SKAP2: variants seen among roughly 807,000 people sequenced by gnomAD.
The protein encoded by SKAP2 is src kinase-associated phosphoprotein 2.
Under a neutral mutation model 54.9 loss-of-function variants are expected in SKAP2, and 28 were observed. The observed-to-expected ratio is 0.51, with a 90% confidence interval of 0.38 to 0.70. The LOEUF (loss-of-function observed/expected upper bound fraction) is 0.70. Ranked by LOEUF, SKAP2 falls within the 30% of genes least tolerant of loss-of-function variation. SKAP2 has a pLI of 0.00. For synonymous variants in SKAP2, 137 were observed against 134.3 expected (o/e 1.02, Z -0.14); for missense variants, 356 against 424.1 (o/e 0.84, Z 1.41).
intron 9 of SKAP2, among the ~76,000 whole-genome samples, chr7:26,723,115 T>C (rs1245772916): frequency 1.3e-5 from 2 of 152,200 alleles, no homozygotes; most frequent in Non-Finnish European, 2.9e-5. Flanking sequence ...TTCACAGAAG[T>C]GAAAGCAATA....
intron 6 of SKAP2, among the ~76,000 whole-genome samples, chr7:26,729,375 T>C (rs1256194557): frequency 6.6e-6 from 1 of 152,078 alleles, no homozygotes; most frequent in Non-Finnish European, 1.5e-5. Context: ...AAACATAACA[T>C]AGCACTTGAG....
Position 26,722,908 on chromosome 7 carries a change from G to A in SKAP2, c.796+2520C>T, listed in dbSNP as rs573198625. ...TTTGTATACCTCATCTTTCAACTAA[G>A]AGGATTAGTTTTCAACAATGCATAA... On this transcript the variant is annotated intron_variant, in intron 9 of 12. Coordinates refer to ENST00000345317, the MANE Select transcript of SKAP2 (RefSeq NM_003930.5). Among the ~76,000 whole-genome samples, 7 of 152,266 alleles carry A rather than the reference G, an allele frequency of 4.6e-5. No homozygotes were observed. The East Asian group carries it at 1.4e-3, about 29-fold the overall frequency.
At chr7:26,696,394 T>C (rs1786896131) in intron 9 of SKAP2, among the ~76,000 whole-genome samples, 2 of 152,196 alleles carry the variant, frequency 1.3e-5, no homozygotes, top group Admixed American at 6.5e-5. Flanking sequence ...TCACATAAAC[T>C]GGACACTGCT....
intron 4 of SKAP2, among the ~76,000 whole-genome samples, chr7:26,753,931 C>T (rs938281296): frequency 6.6e-6 from 1 of 152,146 alleles, no homozygotes; most frequent in Non-Finnish European, 1.5e-5. Flanking sequence ...TTAATATCTA[C>T]TTTCACAATT....
At chr7:26,842,169 T>C (rs1426735709) in intron 4 of SKAP2, among the ~76,000 whole-genome samples, 1 of 151,702 alleles carries the variant, frequency 6.6e-6, no homozygotes, top group Non-Finnish European at 1.5e-5. Context: ...TATTTATATA[T>C]CAAAAATGAG....
chr7:26,656,944 T>A, the SKAP2 span, among the ~76,000 whole-genome samples: 1 of 152,082 alleles, frequency 6.6e-6, no homozygotes, highest in African/African-American at 2.4e-5. Context: ...TGAATAATAT[T>A]TAGATCATAT....
At chr7:26,768,513 T>A (rs752503772) in intron 4 of SKAP2, among the ~76,000 whole-genome samples, 4 of 152,202 alleles carry the variant, frequency 2.6e-5, no homozygotes, top group Non-Finnish European at 5.9e-5. Context: ...TGCTAGCTGG[T>A]TATTTTGCCC....
intron 4 of SKAP2, among the ~76,000 whole-genome samples, chr7:26,786,321 C>T (rs1247096230): frequency 6.6e-6 from 1 of 152,202 alleles, no homozygotes; most frequent in Middle Eastern, 3.2e-3. Flanking sequence ...GACAAGGTCT[C>T]TAACCTCACA....
intron 10 of SKAP2, among the ~76,000 whole-genome samples, chr7:26,685,735 C>A (rs1786622809): frequency 6.6e-6 from 1 of 152,164 alleles, no homozygotes; most frequent in Non-Finnish European, 1.5e-5. Flanking sequence ...CAGTGCAGAT[C>A]TCCTGAAACA....
At chr7:26,794,961 T>C (rs145508227) in intron 4 of SKAP2, among the ~76,000 whole-genome samples, 2 of 152,350 alleles carry the variant, frequency 1.3e-5, no homozygotes, top group African/African-American at 4.8e-5. Flanking sequence ...TCTGGGTCTC[T>C]TCTTCAGCCT....
chr7:26,699,473 T>C (rs1562579647), intron 9 of SKAP2, among the ~76,000 whole-genome samples: 1 of 152,152 alleles, frequency 6.6e-6, no homozygotes, highest in Non-Finnish European at 1.5e-5. Flanking sequence ...ATGTAACAGG[T>C]TTATCATCAT....
intron 9 of SKAP2, among the ~76,000 whole-genome samples, chr7:26,718,282 G>A (rs1787504466): frequency 6.6e-6 from 1 of 151,962 alleles, no homozygotes. Context: ...CATGAGAAAG[G>A]AGGAAGGTAA....
chr7:26,810,257 G>T (rs934632103), intron 4 of SKAP2, among the ~76,000 whole-genome samples: 2 of 151,750 alleles, frequency 1.3e-5, no homozygotes, highest in African/African-American at 4.8e-5. Context: ...ATGGCTTGAG[G>T]TTACAGTAAA....
At chr7:26,766,141 T>C (rs1273120275) in intron 4 of SKAP2, among the ~76,000 whole-genome samples, 1 of 152,228 alleles carries the variant, frequency 6.6e-6, no homozygotes, top group Non-Finnish European at 1.5e-5. Context: ...TCCTGTCTTA[T>C]TTCCTTGAGC....
chr7:26,855,422 A>C (rs1785141231), intron 1 of SKAP2, among the ~76,000 whole-genome samples: 2 of 152,068 alleles, frequency 1.3e-5, no homozygotes, highest in Admixed American at 6.5e-5. Context: ...TTTTCTAGCC[A>C]AGATTCCCAA....
intron 1 of SKAP2, chr7:26,857,353 T>G: frequency 6.2e-6 from 2 of 324,876 alleles, no homozygotes; most frequent in Non-Finnish European, 8.5e-6. Flanking sequence ...CTGGAAGCAG[T>G]TCCCGAAATA....
At chr7:26,804,237 T>G (rs1221118414) in intron 4 of SKAP2, among the ~76,000 whole-genome samples, 2 of 152,152 alleles carry the variant, frequency 1.3e-5, no homozygotes, top group African/African-American at 4.8e-5. Context: ...CATAAATGTA[T>G]ACATCTACTA....
intron 11 of SKAP2, among the ~76,000 whole-genome samples, chr7:26,677,115 A>T (rs1457586521): frequency 2.6e-5 from 4 of 151,960 alleles, no homozygotes; most frequent in Non-Finnish European, 5.9e-5. Flanking sequence ...AAGGAAAGAG[A>T]AGTGATGGCT....
chr7:26,720,051 AACACACACACAC>A lies in SKAP2; in HGVS notation c.796+5365_796+5376del, dbSNP rs57945020. On this transcript the variant is annotated intron_variant, in intron 9 of 12. Transcript: ENST00000345317. ...TGGCCCTTACCCACCACATATCTGT[AACACACACACAC>A]ACACACACACACACACACACACACA... 7.4e-4 allele frequency among the ~76,000 whole-genome samples: 105 copies of A among 141,814 alleles called. 1 individual carries two copies. Among genetic ancestry groups the A allele is most frequent in the South Asian group, 6.2e-3 (26 of 4,188 alleles). 93.0% of individuals were successfully genotyped at this position (141,814 alleles called of 152,430 possible).
Sources: gnomAD v4.1 joint callset for allele counts (sites outside exome capture counted in the v4.1 genomes callset) on GRCh38, gnomAD v4.1.1 for gene constraint, MANE v1.5 for transcripts, NCBI Gene and HGNC (gene_info 2026-07-23, HGNC 2026-07-21) for gene names.